Variants in C1QTNF9 observed in about 807,000 individuals in gnomAD.
The protein encoded by C1QTNF9 is complement C1q and tumor necrosis factor-related protein 9A.
A neutral mutation model predicts 10.1 loss-of-function variants in C1QTNF9; 6 were observed. The ratio of observed to expected loss-of-function variants is 0.59; its 90% CI spans 0.32 to 1.17. C1QTNF9 has a LOEUF of 1.17. C1QTNF9 is among the 50% of genes most tolerant of loss of function. The pLI is 0.04. For synonymous variants in C1QTNF9, 98 were observed against 163.5 expected, an observed-to-expected ratio of 0.60 and a Z score of 3.06; for missense variants, 201 against 418.8, an observed-to-expected ratio of 0.48 and a Z score of 4.54.
upstream of C1QTNF9, among the ~76,000 whole-genome samples, chr13:24,307,721 G>A (rs1367757787): frequency 6.6e-6 from 1 of 152,198 alleles, no homozygotes; most frequent in Non-Finnish European, 1.5e-5. Context: ...GTGGCTCCAT[G>A]TATAGGACAC....
At position 24,314,673 on chromosome 13, in the gene C1QTNF9, G is replaced by GAAAAC. The variant is rs550750409; in HGVS notation, c.-22-1293_-22-1289dup. Among the ~76,000 whole-genome samples the GAAAAC allele has an allele frequency of 2.3e-3, 353 of 151,808 alleles. 3 individuals are homozygous for GAAAAC. Among genetic ancestry groups the GAAAAC allele is most frequent in the South Asian group, 0.016 (77 of 4,816 alleles). On this transcript the variant is annotated intron_variant, in intron 1 of 3. Transcript: ENST00000332018. ...GGCCACAAGGGCGAAACTGCATCTC[G>GAAAAC]AAAACAAAACAAAACAAAACCAAAC... is the stretch of plus-strand genomic sequence containing the variant.
At chr13:24,317,858 GGGGAGGGGAGCGCA>G (rs1161689473) in intron 2 of C1QTNF9, among the ~76,000 whole-genome samples, 1 of 151,726 alleles carries the variant, frequency 6.6e-6, no homozygotes, top group Non-Finnish European at 1.5e-5. Context: ...GGGGAGGGGA[GGGGAGGGGAGCGCA>G]GGGAGGGGCA....
chr13:24,313,899 C>T (rs1232503525), intron 1 of C1QTNF9, among the ~76,000 whole-genome samples: 2 of 152,184 alleles, frequency 1.3e-5, no homozygotes, highest in Non-Finnish European at 2.9e-5. Flanking sequence ...TATCAAAATT[C>T]AGCACAATGT....
At chr13:24,308,196 C>T (rs1353559940), upstream of C1QTNF9, among the ~76,000 whole-genome samples, 3 of 152,222 alleles carry the variant, frequency 2.0e-5, no homozygotes, top group Non-Finnish European at 4.4e-5. Context: ...GGCAGGCTGC[C>T]CAGGTGGTCC....
rs749730464 is a variant in C1QTNF9, at chr13:24,321,804, C to T, written c.*36C>T. ...TTTAAAAATCCGCCACACCATCCAT[C>T]AGAATCAGCTTGGGATGAACTTATT... is the stretch of plus-strand genomic sequence containing the variant. On this transcript the variant is annotated 3_prime_UTR_variant, in exon 4 of 4. Coordinates refer to ENST00000332018, the Ensembl canonical transcript of C1QTNF9. The T allele has an allele frequency of 3.3e-6, 5 of 1,519,322 alleles. No individual in the cohort carries two copies. In the South Asian group the frequency reaches 6.7e-5, roughly 20 times the overall value. The allele number at this position is 1,519,322 out of a possible 1,614,324, so 94.1% of individuals were successfully genotyped here.
upstream of C1QTNF9, among the ~76,000 whole-genome samples, chr13:24,308,709 G>A (rs931158038): frequency 3.3e-5 from 5 of 151,946 alleles, no homozygotes; most frequent in East Asian, 2.0e-4. Flanking sequence ...GGTGAGCCCC[G>A]CACCCACCCG....
At chr13:24,307,872 C>T (rs377164534), upstream of C1QTNF9, among the ~76,000 whole-genome samples, 8 of 152,356 alleles carry the variant, frequency 5.3e-5, no homozygotes, top group South Asian at 1.2e-3. Flanking sequence ...GCAGCAGCCC[C>T]GGAGGCTGGA....
chr13:24,317,697 C>G (rs1354737793), intron 2 of C1QTNF9, among the ~76,000 whole-genome samples: 2 of 152,088 alleles, frequency 1.3e-5, no homozygotes, highest in East Asian at 3.9e-4. Flanking sequence ...TAAATATCTA[C>G]TGATTGGGGT....
At chr13:24,319,052 A>G (rs1239200614) in intron 3 of C1QTNF9, among the ~76,000 whole-genome samples, 172 bp downstream of exon 3, 1 of 152,158 alleles carries the variant, frequency 6.6e-6, no homozygotes, top group Admixed American at 6.5e-5. Flanking sequence ...AGGGCTGGGT[A>G]GTAAATATTC....
chr13:24,313,182 ATTAG>A (rs1427754091), intron 1 of C1QTNF9, among the ~76,000 whole-genome samples: 2 of 152,232 alleles, frequency 1.3e-5, no homozygotes, highest in African/African-American at 2.4e-5. Flanking sequence ...GAGAACGCAT[ATTAG>A]TTAATCAAAA....
intron 1 of C1QTNF9, among the ~76,000 whole-genome samples, chr13:24,314,544 G>A (rs564789434): frequency 5.3e-5 from 8 of 152,284 alleles, no homozygotes; most frequent in Non-Finnish European, 7.4e-5. Flanking sequence ...TTAGCTAGGC[G>A]TGGTGGTGGC....
upstream of C1QTNF9, among the ~76,000 whole-genome samples, chr13:24,308,011 C>G (rs1490218203): frequency 6.6e-6 from 1 of 152,342 alleles, no homozygotes; most frequent in Non-Finnish European, 1.5e-5. Context: ...GGAGGAAGAA[C>G]CCACGGAGTG....
chr13:24,314,425 G>T (rs1056774398), intron 1 of C1QTNF9, among the ~76,000 whole-genome samples: 6 of 151,962 alleles, frequency 3.9e-5, no homozygotes, highest in African/African-American at 1.5e-4. Context: ...GCTCATGCCT[G>T]TAATCCCAGC....
upstream of C1QTNF9, among the ~76,000 whole-genome samples, chr13:24,307,934 A>G (rs1877660630): frequency 6.6e-6 from 1 of 152,216 alleles, no homozygotes; most frequent in Non-Finnish European, 1.5e-5. Flanking sequence ...CCCTGTAAGC[A>G]GGAGGCCAGG....
Position 24,318,884 on chromosome 13 carries a change from A to C in C1QTNF9, c.229+4A>C, listed in dbSNP as rs773114158. The C allele has an allele frequency of 6.2e-7, 1 of 1,614,236 alleles. No individual in the cohort carries two copies. The highest frequency in any genetic ancestry group is 8.5e-7 in the Non-Finnish European group (1 of 1,180,020). On this transcript the variant is annotated splice_donor_region_variant and intron_variant, in intron 3 of 3. Transcript: ENST00000332018. ...AGTGGAGAGAAGGGAGAACGAGGTT[A>C]GTAGTTCCTATTTATGGTGCTCTAA...
chr13:24,311,396 T>G (rs1411711413), intron 1 of C1QTNF9, among the ~76,000 whole-genome samples: 2 of 152,252 alleles, frequency 1.3e-5, no homozygotes, highest in Non-Finnish European at 1.5e-5. Flanking sequence ...TCTGTGTCCC[T>G]TTGCCCTGAC....
intron 3 of C1QTNF9, among the ~76,000 whole-genome samples, chr13:24,319,223 A>G (rs1416512523): frequency 6.6e-6 from 1 of 152,192 alleles, no homozygotes; most frequent in Non-Finnish European, 1.5e-5. Context: ...GTATTGTGGA[A>G]TATTATTTGT....
chr13:24,321,822 A>C, exon 4 of C1QTNF9: 1 of 1,492,876 alleles, frequency 6.7e-7, no homozygotes, highest in Non-Finnish European at 8.9e-7. Context: ...GCTTGGGATG[A>C]ACTTATTCAG....
intron 3 of C1QTNF9, among the ~76,000 whole-genome samples, chr13:24,319,519 A>G (rs1878168477): frequency 6.6e-6 from 1 of 152,216 alleles, no homozygotes; most frequent in Non-Finnish European, 1.5e-5. Context: ...AGCCTGGGTA[A>G]CAGAGTGGGT....
Sources: gnomAD v4.1 joint callset for allele counts (sites outside exome capture counted in the v4.1 genomes callset) on GRCh38, gnomAD v4.1.1 for gene constraint, MANE v1.5 for transcripts, NCBI Gene and HGNC (gene_info 2026-07-23, HGNC 2026-07-21) for gene names.